RARB: variants seen among roughly 807,000 people sequenced by gnomAD.
RARB encodes retinoic acid receptor beta.
In RARB, 17 loss-of-function variants were observed where a neutral mutation model predicts 51.9. The ratio of observed to expected loss-of-function variants is 0.33; its 90% CI spans 0.22 to 0.49. The LOEUF (loss-of-function observed/expected upper bound fraction) is 0.49, where lower values mean the gene tolerates loss of function less well. Ranked by LOEUF, RARB falls within the 20% of genes least tolerant of loss-of-function variation. The probability of loss-of-function intolerance (pLI) is 0.99; values close to 1 mark genes in which losing one functional copy is unlikely to be tolerated. For missense variants in RARB, 369 were observed against 550.8 expected, an observed-to-expected ratio of 0.67 and a Z score of 3.30; for synonymous variants, 215 against 195.4, an observed-to-expected ratio of 1.10 and a Z score of -0.84.
chr3:24,966,626 CTCTCTCTCTCTCTCTCTCTG>C, intron 2 of RARB, among the ~76,000 whole-genome samples: 1 of 150,956 alleles, frequency 6.6e-6, no homozygotes, highest in South Asian at 2.1e-4. Context: ...CTCTCTCTCT[CTCTCTCTCTCTCTCTCTCTG>C]AAGTCTCTAA....
At chr3:25,527,181 G>A (rs1043769720) in intron 3 of RARB, among the ~76,000 whole-genome samples, 5 of 152,182 alleles carry the variant, frequency 3.3e-5, no homozygotes, top group Admixed American at 6.5e-5. Context: ...CTCCTACATC[G>A]TGCTGATCCT....
chr3:25,564,738 G>A (rs986928103), intron 3 of RARB, among the ~76,000 whole-genome samples: 1 of 152,152 alleles, frequency 6.6e-6, no homozygotes, highest in African/African-American at 2.4e-5. Flanking sequence ...CAGACTTGGA[G>A]GGGAGGGCTT....
intron 5 of RARB, among the ~76,000 whole-genome samples, chr3:25,315,833 G>A (rs1185820236): frequency 2.6e-5 from 4 of 151,794 alleles, no homozygotes; most frequent in Non-Finnish European, 5.9e-5. Flanking sequence ...TACCCAGGCT[G>A]GTCTCAAACT....
At chr3:25,561,772 G>C (rs1266038721) in intron 3 of RARB, among the ~76,000 whole-genome samples, 1 of 152,138 alleles carries the variant, frequency 6.6e-6, no homozygotes, top group Non-Finnish European at 1.5e-5. Context: ...AGAAATGAAA[G>C]ATCCGGCCAT....
intron 5 of RARB, among the ~76,000 whole-genome samples, chr3:25,355,498 A>C (rs1559369424): frequency 6.6e-6 from 1 of 151,836 alleles, no homozygotes; most frequent in Non-Finnish European, 1.5e-5. Flanking sequence ...ATTTGGCTGG[A>C]GTTTGTTTGT....
intron 3 of RARB, among the ~76,000 whole-genome samples, chr3:25,112,773 G>A (rs1237455290): frequency 6.6e-6 from 1 of 152,056 alleles, no homozygotes; most frequent in Non-Finnish European, 1.5e-5. Context: ...GTGAGACCCT[G>A]TCTAAAAAAG....
At chr3:25,365,175 A>C (rs1008708262) in intron 5 of RARB, among the ~76,000 whole-genome samples, 8 of 149,670 alleles carry the variant, frequency 5.3e-5, no homozygotes, top group Admixed American at 2.7e-4. Flanking sequence ...AAAGGTATAT[A>C]AGCCAACCAT....
intron 2 of RARB, among the ~76,000 whole-genome samples, chr3:24,868,626 T>C (rs903517148): frequency 1.3e-5 from 2 of 152,162 alleles, no homozygotes; most frequent in African/African-American, 4.8e-5. Flanking sequence ...TCTTCCCTTT[T>C]GGAATTACTT....
At chr3:25,022,303 T>C (rs1046193642) in intron 2 of RARB, among the ~76,000 whole-genome samples, 4 of 152,214 alleles carry the variant, frequency 2.6e-5, no homozygotes, top group Admixed American at 1.3e-4. Flanking sequence ...TAATTAGTTT[T>C]TCCATTTGTA....
chr3:25,238,366 TATATATACC>T (rs1332343477), intron 5 of RARB, among the ~76,000 whole-genome samples: 47 of 152,334 alleles, frequency 3.1e-4, no homozygotes, highest in African/African-American at 1.1e-3. Flanking sequence ...AGTATTCCAT[TATATATACC>T]ATATAGACCA....
chr3:25,231,297 T>A (rs1477385136), intron 5 of RARB, among the ~76,000 whole-genome samples: 2 of 152,170 alleles, frequency 1.3e-5, no homozygotes, highest in Non-Finnish European at 2.9e-5. Flanking sequence ...AATAGAAGCG[T>A]TTACACCTTC....
At chr3:24,890,421 T>C (rs934560702) in intron 2 of RARB, among the ~76,000 whole-genome samples, 1 of 152,174 alleles carries the variant, frequency 6.6e-6, no homozygotes, top group Admixed American at 6.5e-5. Flanking sequence ...TTCTGAGAGT[T>C]TGGACTTATT....
chr3:25,445,649 A>G (rs1427204917), intron 1 of RARB, among the ~76,000 whole-genome samples: 1 of 152,162 alleles, frequency 6.6e-6, no homozygotes, highest in Admixed American at 6.6e-5. Flanking sequence ...CCTGGGTGAC[A>G]GGGTGAGACT....
intron 1 of RARB, among the ~76,000 whole-genome samples, chr3:24,832,481 T>A (rs1479171987): frequency 6.6e-6 from 1 of 151,894 alleles, no homozygotes; most frequent in Non-Finnish European, 1.5e-5. Context: ...TTCTTAGCAG[T>A]TAGTTGGCTA....
At chr3:25,163,538 T>TATATATATATATATATATAC (rs1700510368) in intron 4 of RARB, among the ~76,000 whole-genome samples, 1 of 140,266 alleles carries the variant, frequency 7.1e-6, no homozygotes, top group Non-Finnish European at 1.6e-5. Context: ...TATATATATA[T>TATATATATATATATATATAC]TTGTTTATTT....
At chr3:25,187,231 A>T (rs7639228) in intron 5 of RARB, among the ~76,000 whole-genome samples, 97,351 of 151,798 alleles carry the variant, frequency 0.64, 31,369 homozygotes, top group East Asian at 0.72. Context: ...ATAATATAGG[A>T]CTAGCATGTT....
intron 5 of RARB, among the ~76,000 whole-genome samples, chr3:25,253,071 A>G (rs1702769277): frequency 6.6e-6 from 1 of 152,212 alleles, no homozygotes; most frequent in South Asian, 2.1e-4. Flanking sequence ...AATCTTGATT[A>G]CATGTGGGAG....
intron 2 of RARB, among the ~76,000 whole-genome samples, chr3:24,983,926 T>C (rs1696732410): frequency 1.3e-5 from 2 of 152,126 alleles, no homozygotes; most frequent in African/African-American, 2.4e-5. Context: ...AATAGTGCAA[T>C]AAAATAAACC....
rs565482972 is a variant in RARB, at chr3:25,218,968, G to A, written c.178+44393G>A. Among the ~76,000 whole-genome samples the A allele has an allele frequency of 2.6e-5, 4 of 152,212 alleles. No homozygotes were observed. The East Asian group carries it at 7.7e-4, about 29-fold the overall frequency. On this transcript the variant is annotated intron_variant, in intron 5 of 11. Coordinates refer to the RARB transcript ENST00000383772. Reference sequence around the variant, plus strand: ...TGCTCTCCTGGTGAGATGGATCTTGGCCTTTGCACCTGGATTTCCAGCTGA... The same window carrying A: ...TGCTCTCCTGGTGAGATGGATCTTGACCTTTGCACCTGGATTTCCAGCTGA...
Sources: gnomAD v4.1 joint callset for allele counts (sites outside exome capture counted in the v4.1 genomes callset) on GRCh38, gnomAD v4.1.1 for gene constraint, MANE v1.5 for transcripts, NCBI Gene and HGNC (gene_info 2026-07-23, HGNC 2026-07-21) for gene names.